The following PLXDC2 variants were observed in gnomAD, a reference collection of about 807,000 sequenced individuals.
PLXDC2 encodes plexin domain-containing protein 2.
PLXDC2 carries 40 observed loss-of-function variants against 68.9 expected under a neutral mutation model. That is an observed-to-expected ratio of 0.58 (90% CI 0.45 to 0.76). The LOEUF (loss-of-function observed/expected upper bound fraction) is 0.76, where lower values mean the gene tolerates loss of function less well. PLXDC2 is among the 30% of genes least tolerant of loss of function. The probability of loss-of-function intolerance (pLI) is 0.00; values close to 1 mark genes in which losing one functional copy is unlikely to be tolerated. For synonymous variants in PLXDC2, 243 were observed against 234.2 expected (o/e 1.04, Z -0.34); for missense variants, 644 against 661.9 (o/e 0.97, Z 0.30).
At chr10:20,262,661 C>CG (rs1835824043) in intron 13 of PLXDC2, among the ~76,000 whole-genome samples, 1 of 152,204 alleles carries the variant, frequency 6.6e-6, no homozygotes. Context: ...TACCTCCCCC[C>CG]GGGTGGGACC....
intron 1 of PLXDC2, among the ~76,000 whole-genome samples, chr10:19,857,253 C>A (rs1564611129): frequency 6.6e-6 from 1 of 152,168 alleles, no homozygotes; most frequent in Admixed American, 6.6e-5. Context: ...ATAATTAACA[C>A]TATTCACTTT....
chr10:20,197,000 T>TC (rs398114144), intron 9 of PLXDC2, among the ~76,000 whole-genome samples: 1 of 152,044 alleles, frequency 6.6e-6, no homozygotes, highest in Non-Finnish European at 1.5e-5. Flanking sequence ...GATTTTTTTT[T>TC]CTAATACGAT....
intron 1 of PLXDC2, among the ~76,000 whole-genome samples, chr10:19,869,472 G>T (rs958755647): frequency 7.9e-6 from 1 of 127,102 alleles, no homozygotes; most frequent in Non-Finnish European, 1.7e-5. Context: ...AGAGAAAGGG[G>T]GGGGGGGGAG....
rs1205098171 is a variant in PLXDC2, at chr10:20,125,708, T to A, written c.542-17587T>A. ...CAGTGCAATGCTCCTTATATTTGTG[T>A]TGTTTCGAGCAATTGCAGCTGCATT... is the stretch of plus-strand genomic sequence containing the variant. On this transcript the variant is annotated intron_variant, in intron 4 of 13. Coordinates refer to ENST00000377252, the MANE Select transcript of PLXDC2 (RefSeq NM_032812.9). Among the ~76,000 whole-genome samples, 9 of 152,174 alleles carry A rather than the reference T, an allele frequency of 5.9e-5. No individual in the cohort carries two copies. The East Asian group carries it at 1.7e-3, about 29-fold the overall frequency.
At chr10:19,825,709 A>C (rs1444240222) in intron 1 of PLXDC2, among the ~76,000 whole-genome samples, 2 of 152,190 alleles carry the variant, frequency 1.3e-5, no homozygotes, top group Middle Eastern at 3.2e-3. Context: ...ATGTACCAAT[A>C]ATGATGAGTT....
At chr10:20,030,580 C>G (rs1835486613) in intron 2 of PLXDC2, among the ~76,000 whole-genome samples, 1 of 152,166 alleles carries the variant, frequency 6.6e-6, no homozygotes, top group Non-Finnish European at 1.5e-5. Flanking sequence ...AAAGGGTAGG[C>G]TCAGGTTTTG....
At chr10:19,963,182 A>G (rs562221456) in intron 1 of PLXDC2, among the ~76,000 whole-genome samples, 1 of 152,212 alleles carries the variant, frequency 6.6e-6, no homozygotes, top group South Asian at 2.1e-4. Context: ...TCCCTCACAC[A>G]TTCATTTCCC....
chr10:19,973,115 T>C (rs1346523489), intron 1 of PLXDC2, among the ~76,000 whole-genome samples: 1 of 151,824 alleles, frequency 6.6e-6, no homozygotes, highest in Non-Finnish European at 1.5e-5. Flanking sequence ...ATTTTAATTA[T>C]ATTTTTTCTT....
At chr10:19,910,397 C>T (rs560162717) in intron 1 of PLXDC2, among the ~76,000 whole-genome samples, 1 of 151,798 alleles carries the variant, frequency 6.6e-6, no homozygotes, top group Non-Finnish European at 1.5e-5. Context: ...ATCTTCACAA[C>T]TCAATAAAGT....
intron 4 of PLXDC2, among the ~76,000 whole-genome samples, chr10:20,127,365 A>G (rs75286438): frequency 0.029 from 4,375 of 152,308 alleles, 87 homozygotes; most frequent in South Asian, 0.073. Flanking sequence ...AAACAAAAAC[A>G]TTTCTGGAAG....
chr10:19,827,957 A>G (rs7901380), intron 1 of PLXDC2, among the ~76,000 whole-genome samples: 19,471 of 152,250 alleles, frequency 0.13, 1,421 homozygotes, highest in Non-Finnish European at 0.16. Flanking sequence ...TTATCACATC[A>G]TCAGACTAAC....
At chr10:20,191,000 A>G (rs1834757704) in intron 9 of PLXDC2, among the ~76,000 whole-genome samples, 1 of 151,974 alleles carries the variant, frequency 6.6e-6, no homozygotes, top group South Asian at 2.1e-4. Flanking sequence ...TCGGAGATGC[A>G]ATCTTACCCG....
intron 6 of PLXDC2, among the ~76,000 whole-genome samples, chr10:20,153,906 C>T (rs764813165): frequency 6.6e-6 from 1 of 152,136 alleles, no homozygotes; most frequent in Non-Finnish European, 1.5e-5. Context: ...TGACAGTCTT[C>T]CTTAGCCAGT....
chr10:20,018,658 G>A (rs1236699344), intron 2 of PLXDC2, among the ~76,000 whole-genome samples: 7 of 152,074 alleles, frequency 4.6e-5, no homozygotes, highest in Non-Finnish European at 8.8e-5. Flanking sequence ...TTAATTGCAT[G>A]TAAATATTGT....
chr10:20,039,818 T>C (rs1198341110), intron 2 of PLXDC2, among the ~76,000 whole-genome samples: 1 of 152,222 alleles, frequency 6.6e-6, no homozygotes, highest in African/African-American at 2.4e-5. Flanking sequence ...CCAGTCAATA[T>C]AAGGTAAATA....
intron 1 of PLXDC2, among the ~76,000 whole-genome samples, chr10:19,982,695 T>C (rs2131621150): frequency 6.6e-6 from 1 of 152,294 alleles, no homozygotes. Flanking sequence ...CTACCCAGCA[T>C]CTAGTAAACA....
intron 1 of PLXDC2, among the ~76,000 whole-genome samples, chr10:19,965,417 C>T (rs1216233715): frequency 6.6e-6 from 1 of 152,158 alleles, no homozygotes; most frequent in Admixed American, 6.5e-5. Flanking sequence ...GGATATGTGC[C>T]TTTGGTCCCA....
In PLXDC2 at chr10:19,945,490, A is replaced by G. The variant is rs1227627473; in HGVS notation, c.113-56285A>G. 2.0e-5 allele frequency among the ~76,000 whole-genome samples: 3 copies of G among 152,328 alleles called. 1 individual carries two copies. Among genetic ancestry groups the G allele is most frequent in the East Asian group, 1.9e-4 (1 of 5,182 alleles). The stretch of plus-strand genomic sequence containing the variant: ...ACACTCACTGAGGATCTGCTTTGCC[A>G]AGGCCGGGCTGGCCTGAATTCAGTT... On this transcript the variant is annotated intron_variant, in intron 1 of 13. Coordinates refer to ENST00000377252, the MANE Select transcript of PLXDC2 (RefSeq NM_032812.9).
chr10:19,946,851 T>C (rs1053515177), intron 1 of PLXDC2, among the ~76,000 whole-genome samples: 1 of 151,994 alleles, frequency 6.6e-6, no homozygotes, highest in Non-Finnish European at 1.5e-5. Context: ...CCATCGCTGA[T>C]CCGACAGGAG....
Sources: allele counts gnomAD v4.1 joint callset (sites outside exome capture counted in the v4.1 genomes callset), GRCh38; gene constraint gnomAD v4.1.1; transcripts MANE v1.5; gene names NCBI Gene and HGNC (gene_info 2026-07-23, HGNC 2026-07-21).